PLCB4: variants seen among roughly 807,000 people sequenced by gnomAD.
PLCB4 encodes the protein phospholipase C beta 4.
A neutral mutation model predicts 178.8 loss-of-function variants in PLCB4; 77 were observed. That is an observed-to-expected ratio of 0.43 (90% CI 0.36 to 0.52). PLCB4 has a LOEUF of 0.52. Among genes scored for constraint, PLCB4 ranks in the 20% least tolerant of loss-of-function variants. The pLI, the probability that PLCB4 is intolerant of heterozygous loss-of-function variation, is 0.00. For synonymous variants in PLCB4, 496 were observed against 490.8 expected, an observed-to-expected ratio of 1.01 and a Z score of -0.14; for missense variants, 1,024 against 1,453.4, an observed-to-expected ratio of 0.70 and a Z score of 4.80.
chr20:9,350,639 A>G lies in PLCB4; in HGVS notation c.369+11602A>G, dbSNP rs554256180. 2.0e-5 allele frequency among the ~76,000 whole-genome samples: 3 copies of G among 152,134 alleles called. No homozygotes were observed. The South Asian group carries it at 6.2e-4, about 32-fold the overall frequency. ...AGTGGTGTGTTCTCAGCTCACCACAACCTCTGCCTCCCGGGTTCAAGTTAT... is the reference window on the plus strand; with the variant it reads ...AGTGGTGTGTTCTCAGCTCACCACAGCCTCTGCCTCCCGGGTTCAAGTTAT... On this transcript the variant is annotated intron_variant, in intron 7 of 39. Transcript: ENST00000378473.
rs755950410 is a variant in PLCB4 at position 9,419,816 on chromosome 20, C to T, written c.2061C>T (p.Leu687=). 2.1e-5 allele frequency: 34 copies of T among 1,612,496 alleles called. 1 individual carries two copies. The South Asian group carries it at 2.4e-4, about 11-fold the overall frequency. The change falls in exon 26 of 40, where the codon CTC becomes CTT. Residue 687 remains leucine (L), a synonymous_variant. Coordinates refer to ENST00000378473, the MANE Select transcript of PLCB4 (RefSeq NM_001377142.1). ...GCTATTGTCCTACCAGGTACCTTCT[C>T]AAACCAGATTTCATGAGGCGGCCTG... ...FEYNGSCGYL[L]KPDFMRRPDR... is the part of the protein sequence containing the mutation.
intron 3 of PLCB4, among the ~76,000 whole-genome samples, chr20:9,281,477 A>C (rs1162177121): frequency 6.6e-6 from 1 of 152,006 alleles, no homozygotes; most frequent in African/African-American, 2.4e-5. Flanking sequence ...ATGGTATATT[A>C]GGTTAAAATG....
chr20:9,124,928 A>G (rs983657071), intron 2 of PLCB4, among the ~76,000 whole-genome samples: 1 of 152,208 alleles, frequency 6.6e-6, no homozygotes, highest in South Asian at 2.1e-4. Flanking sequence ...TGAAGTGTTT[A>G]TATTACTTAT....
chr20:9,409,050 G>T lies in PLCB4; in HGVS notation c.1875-7G>T. On this transcript the variant is annotated splice_polypyrimidine_tract_variant and splice_region_variant and intron_variant, in intron 23 of 39. Transcript: ENST00000378473. ...TCTTTTTTTCTGTTTTCCTTAATAA[G>T]TTACAGTTATAACAAACGGCAAATG... The T allele has an allele frequency of 6.2e-7, 1 of 1,608,430 alleles. No individual in the cohort carries two copies. Among genetic ancestry groups the T allele is most frequent in the Non-Finnish European group, 8.5e-7 (1 of 1,178,652 alleles).
chr20:9,425,051 T>TA (rs397830384), intron 28 of PLCB4, among the ~76,000 whole-genome samples: 17,239 of 133,682 alleles, frequency 0.13, 1,300 homozygotes, highest in East Asian at 0.25. Context: ...TTGTCTTTCA[T>TA]AAAAAAAAAA....
chr20:9,389,560 TG>T (rs1271886374), intron 15 of PLCB4, among the ~76,000 whole-genome samples: 1 of 152,190 alleles, frequency 6.6e-6, no homozygotes, highest in African/African-American at 2.4e-5. Context: ...AGAAGAAAGG[TG>T]GACTCTGAAC....
At chr20:9,198,774 G>C (rs1420451319) in intron 2 of PLCB4, among the ~76,000 whole-genome samples, 5 of 152,136 alleles carry the variant, frequency 3.3e-5, no homozygotes, top group African/African-American at 1.2e-4. Flanking sequence ...GATTAAGATT[G>C]TACCCTACTC....
At position 9,410,637 on chromosome 20, in the gene PLCB4, C is replaced by G. The variant is rs895788453; in HGVS notation, c.2000-400C>G. Among the ~76,000 whole-genome samples the G allele has an allele frequency of 4.6e-5, 7 of 152,252 alleles. No homozygotes were observed. The East Asian group carries it at 1.2e-3, about 25-fold the overall frequency. On this transcript the variant is annotated intron_variant, in intron 24 of 39. Transcript: ENST00000378473. ...ATGCGATACTTACCTAGTTCATTTT[C>G]CAGTCTTTTAAATCAAGTTTCATAT...
At chr20:9,230,034 G>T (rs1170893697) in intron 3 of PLCB4, among the ~76,000 whole-genome samples, 2 of 152,138 alleles carry the variant, frequency 1.3e-5, no homozygotes, top group Non-Finnish European at 2.9e-5. Context: ...CTGGAGGCCA[G>T]AAGTCCAAGA....
At chr20:9,341,687 A>G (rs932401265) in intron 7 of PLCB4, among the ~76,000 whole-genome samples, 14 of 151,734 alleles carry the variant, frequency 9.2e-5, no homozygotes, top group African/African-American at 2.4e-4. Context: ...AAATCCATGT[A>G]TAAGTGGGCC....
At chr20:9,192,037 A>G (rs1476927737) in intron 2 of PLCB4, among the ~76,000 whole-genome samples, 1 of 152,154 alleles carries the variant, frequency 6.6e-6, no homozygotes, top group Non-Finnish European at 1.5e-5. Context: ...TTTTCTTGAA[A>G]TAGATCCTGA....
At chr20:9,423,571 A>C (rs1274086586) in intron 27 of PLCB4, among the ~76,000 whole-genome samples, 177 bp from the exon 28 acceptor site, 1 of 152,212 alleles carries the variant, frequency 6.6e-6, no homozygotes, top group Non-Finnish European at 1.5e-5. Context: ...TGCTTTTCTC[A>C]GTGTCTTGGG....
At chr20:9,119,712 A>C (rs1238379694) in intron 2 of PLCB4, among the ~76,000 whole-genome samples, 2 of 152,240 alleles carry the variant, frequency 1.3e-5, no homozygotes, top group African/African-American at 4.8e-5. Context: ...TAATGACTGC[A>C]TAATGAGTTG....
intron 4 of PLCB4, among the ~76,000 whole-genome samples, chr20:9,317,525 A>T (rs749003272): frequency 1.5e-4 from 23 of 152,180 alleles, no homozygotes; most frequent in Non-Finnish European, 2.8e-4. Context: ...CCCCCATGAA[A>T]TAGTGTCTCA....
intron 6 of PLCB4, among the ~76,000 whole-genome samples, chr20:9,338,545 C>T (rs1384217728): frequency 1.3e-5 from 2 of 151,682 alleles, no homozygotes; most frequent in South Asian, 2.1e-4. Flanking sequence ...GGTGTGTTAG[C>T]ATGTGCCTGT....
intron 7 of PLCB4, among the ~76,000 whole-genome samples, chr20:9,360,113 T>C (rs936497795): frequency 6.6e-6 from 1 of 152,198 alleles, no homozygotes; most frequent in Non-Finnish European, 1.5e-5. Context: ...TCTTGTTGCC[T>C]GTCTGCCCTG....
At chr20:9,301,998 C>T (rs1053544982) in intron 3 of PLCB4, among the ~76,000 whole-genome samples, 3 of 152,052 alleles carry the variant, frequency 2.0e-5, no homozygotes, top group Non-Finnish European at 4.4e-5. Flanking sequence ...TTCCACTTCC[C>T]GTGTTCCTCA....
intron 2 of PLCB4, among the ~76,000 whole-genome samples, chr20:9,121,310 C>G (rs999488302): frequency 6.6e-6 from 1 of 152,166 alleles, no homozygotes; most frequent in Admixed American, 6.5e-5. Context: ...TAGTAACCAT[C>G]ACCCACAATG....
intron 3 of PLCB4, among the ~76,000 whole-genome samples, chr20:9,272,071 G>A (rs556363087): frequency 7.9e-5 from 12 of 151,838 alleles, no homozygotes; most frequent in East Asian, 5.8e-4. Flanking sequence ...CCAGCTACTC[G>A]GGAGGCTGAG....
Sources: allele counts gnomAD v4.1 joint callset (sites outside exome capture counted in the v4.1 genomes callset), GRCh38; gene constraint gnomAD v4.1.1; transcripts MANE v1.5; gene names NCBI Gene and HGNC (gene_info 2026-07-23, HGNC 2026-07-21).